LARGE1: variants seen among roughly 807,000 people sequenced by gnomAD.
LARGE1 encodes the protein LARGE xylosyl- and glucuronyltransferase 1.
A neutral mutation model predicts 87.6 loss-of-function variants in LARGE1; 43 were observed. That is an observed-to-expected ratio of 0.49 (90% confidence interval 0.38 to 0.63). The LOEUF is 0.63. Among genes scored for constraint, LARGE1 ranks in the 30% least tolerant of loss-of-function variants. The pLI, the probability that LARGE1 is intolerant of heterozygous loss-of-function variation, is 0.00. For missense variants in LARGE1, 802 were observed against 1,000.2 expected, an observed-to-expected ratio of 0.80 and a Z score of 2.67; for synonymous variants, 434 against 394.6, an observed-to-expected ratio of 1.10 and a Z score of -1.18.
At chr22:33,171,748 T>A (rs1478652883) in intron 11 of LARGE1, among the ~76,000 whole-genome samples, 1 of 152,156 alleles carries the variant, frequency 6.6e-6, no homozygotes, top group African/African-American at 2.4e-5. Context: ...TGCCTGGATA[T>A]CCAGGCAGAA....
chr22:33,071,155 T>G, the LARGE1 span, among the ~76,000 whole-genome samples: 1 of 152,236 alleles, frequency 6.6e-6, no homozygotes, highest in Non-Finnish European at 1.5e-5. Context: ...GAAACTTGAT[T>G]GATTTCATTT....
chr22:33,904,764 G>T (rs565170348), intron 1 of LARGE1, among the ~76,000 whole-genome samples: 1 of 152,242 alleles, frequency 6.6e-6, no homozygotes, highest in Non-Finnish European at 1.5e-5. Context: ...ACAGTCCTCA[G>T]TGAGCCATTG....
At chr22:33,074,607 G>A in the LARGE1 span, among the ~76,000 whole-genome samples, 2 of 151,288 alleles carry the variant, frequency 1.3e-5, no homozygotes, top group African/African-American at 2.4e-5. Flanking sequence ...CCAGGGAGAC[G>A]GAGGATGCAG....
intron 6 of LARGE1, among the ~76,000 whole-genome samples, chr22:33,562,556 C>T (rs959333955): frequency 1.3e-5 from 2 of 152,204 alleles, no homozygotes; most frequent in African/African-American, 2.4e-5. Context: ...CTGTCCTGAC[C>T]TTGGCCCATA....
intron 6 of LARGE1, among the ~76,000 whole-genome samples, chr22:33,450,012 A>G (rs1428529718): frequency 6.6e-6 from 1 of 151,994 alleles, no homozygotes; most frequent in Non-Finnish European, 1.5e-5. Flanking sequence ...CTTGGGTTCA[A>G]GTGATTCTAC....
At position 33,650,539 on chromosome 22, in the gene LARGE1, A is replaced by G; in HGVS notation, c.236T>C (p.Leu79Pro). The G allele has an allele frequency of 6.2e-7, 1 of 1,610,660 alleles. No homozygotes were observed. Among genetic ancestry groups the G allele is most frequent in the Non-Finnish European group, 8.5e-7 (1 of 1,179,938 alleles). The change falls in exon 3 of 15, where the codon CTC becomes CCC. Residue 79 changes from leucine (L) to proline (P), a missense_variant. Physicochemically the swap from Leu to Pro is moderately conservative, Grantham distance 98. Transcript: ENST00000397394. ...CTGGGCCAGGCTGAGCTGCCTGCGGAGGGCGCGGTTCTCCTCCTCCACCTC... is the reference window on the plus strand; with the variant it reads ...CTGGGCCAGGCTGAGCTGCCTGCGGGGGGCGCGGTTCTCCTCCTCCACCTC... ...MREVEEENRA[L>P]RRQLSLAQGR...
At chr22:33,291,486 C>T (rs1932543281) in intron 12 of LARGE1, among the ~76,000 whole-genome samples, 1 of 152,086 alleles carries the variant, frequency 6.6e-6, no homozygotes, top group Non-Finnish European at 1.5e-5. Flanking sequence ...ATGGTGTCCC[C>T]CAACATTCAT....
At chr22:33,107,096 T>C in the LARGE1 span, among the ~76,000 whole-genome samples, 2 of 152,214 alleles carry the variant, frequency 1.3e-5, no homozygotes, top group Admixed American at 1.3e-4. Flanking sequence ...AGTAAGAGAC[T>C]AAATCATTAC....
intron 3 of LARGE1, among the ~76,000 whole-genome samples, chr22:33,629,467 A>G (rs963633867): frequency 2.0e-5 from 3 of 152,146 alleles, no homozygotes; most frequent in African/African-American, 7.2e-5. Context: ...ACCTGCCACC[A>G]TGAATAAATG....
At chr22:33,622,115 C>T (rs993497264) in intron 4 of LARGE1, among the ~76,000 whole-genome samples, 2 of 152,138 alleles carry the variant, frequency 1.3e-5, no homozygotes, top group Admixed American at 6.5e-5. Context: ...GGAAAGGGTG[C>T]TGATATGGTT....
intron 1 of LARGE1, among the ~76,000 whole-genome samples, chr22:33,843,109 T>C (rs920697634): frequency 2.0e-5 from 3 of 152,164 alleles, no homozygotes; most frequent in Non-Finnish European, 2.9e-5. Flanking sequence ...CCAGGCTTTA[T>C]CTCTTCTGTG....
intron 1 of LARGE1, among the ~76,000 whole-genome samples, chr22:33,916,652 T>A (rs911805779): frequency 6.6e-6 from 1 of 152,158 alleles, no homozygotes; most frequent in Non-Finnish European, 1.5e-5. Flanking sequence ...CTTTTGGGTC[T>A]TATATCCCCC....
chr22:33,905,062 C>CTTTTTT (rs71187290), intron 1 of LARGE1, among the ~76,000 whole-genome samples: 3 of 118,884 alleles, frequency 2.5e-5, no homozygotes, highest in Non-Finnish European at 3.5e-5. Context: ...TTTTTAATTC[C>CTTTTTT]TTTTTTTTTT....
chr22:33,554,573 C>A (rs2077621546), intron 6 of LARGE1, among the ~76,000 whole-genome samples: 1 of 152,192 alleles, frequency 6.6e-6, no homozygotes, highest in African/African-American at 2.4e-5. Context: ...CTCTAATCTG[C>A]ATCCCTTGCT....
At chr22:33,100,291 TGAGCC>T in the LARGE1 span, among the ~76,000 whole-genome samples, 8 of 134,616 alleles carry the variant, frequency 5.9e-5, no homozygotes, top group Admixed American at 9.0e-5. Context: ...GAGGTTGCAG[TGAGCC>T]GAGATATTGC....
chr22:33,718,148 T>C (rs2082967703), intron 2 of LARGE1, among the ~76,000 whole-genome samples: 1 of 152,218 alleles, frequency 6.6e-6, no homozygotes. Context: ...CGTTATTTAC[T>C]GTCACCTGAG....
At chr22:33,561,270 C>T (rs2077850587) in intron 6 of LARGE1, among the ~76,000 whole-genome samples, 1 of 152,158 alleles carries the variant, frequency 6.6e-6, no homozygotes, top group African/African-American at 2.4e-5. Context: ...TTGCGCCTTC[C>T]ATTGAAGAAC....
At chr22:33,732,783 A>T (rs1432719130) in intron 2 of LARGE1, 1 of 152,264 alleles carries the variant, frequency 6.6e-6, no homozygotes, top group Non-Finnish European at 1.5e-5. Context: ...AGCACTCACC[A>T]CCAGAGTCTA....
At chr22:33,327,564 C>CTGGT (rs1424865572) in intron 10 of LARGE1, among the ~76,000 whole-genome samples, 2 of 152,184 alleles carry the variant, frequency 1.3e-5, no homozygotes, top group Admixed American at 6.5e-5. Context: ...AATCATAGAT[C>CTGGT]TGGTCTAGGG....
Sources: allele counts gnomAD v4.1 joint callset (sites outside exome capture counted in the v4.1 genomes callset), GRCh38; gene constraint gnomAD v4.1.1; transcripts MANE v1.5; gene names NCBI Gene and HGNC (gene_info 2026-07-23, HGNC 2026-07-21).